The following GGA1 variants were observed in gnomAD, a reference collection of about 807,000 sequenced individuals.
GGA1 encodes golgi associated, gamma adaptin ear containing, ARF binding protein 1, also known as ADP-ribosylation factor-binding protein GGA1.
Under a neutral mutation model 76.9 loss-of-function variants are expected in GGA1, and 18 were observed. The ratio of observed to expected loss-of-function variants is 0.23; its 90% CI spans 0.16 to 0.35. GGA1 has a LOEUF of 0.35. Among genes scored for constraint, GGA1 ranks in the 10% least tolerant of loss-of-function variants. GGA1 has a pLI of 1.00. For synonymous variants in GGA1, 342 were observed against 354.7 expected (o/e 0.96, Z 0.40); for missense variants, 755 against 859.0 (o/e 0.88, Z 1.51).
rs1273098456 is a variant in GGA1, at chr22:37,630,166, C to T, written c.1327C>T (p.Arg443Trp). The T allele has an allele frequency of 7.6e-6, 12 of 1,576,988 alleles. No individual in the cohort carries two copies. Among genetic ancestry groups the T allele is most frequent in the East Asian group, 2.3e-5 (1 of 42,634 alleles). The change falls in exon 13 of 17, where the codon CGG becomes TGG. Residue 443 changes from arginine to tryptophan, a missense_variant. Physicochemically the swap from Arg to Trp is moderately radical, Grantham distance 101 (BLOSUM62 -3). Coordinates refer to ENST00000343632, the MANE Select transcript of GGA1 (RefSeq NM_013365.5). Reference protein sequence around the residue: ...QSLPPESQQVRWEKQQPTPRL... With the variant: ...QSLPPESQQVWWEKQQPTPRL... The stretch of plus-strand genomic sequence containing the variant: ...GCTGCCCCCGGAATCCCAGCAAGTG[C>T]GGTGGTGAGGGCCCACCATGGCTGG...
At chr22:37,609,065 A>C in intron 1 of GGA1, 162 bp downstream of exon 1, 2 of 1,487,594 alleles carry the variant, frequency 1.3e-6, no homozygotes, top group Non-Finnish European at 1.8e-6. Flanking sequence ...CCCTGGAGCG[A>C]TGGAGGACCC....
At chr22:37,630,252 G>A in intron 13 of GGA1, 82 bp downstream of exon 13, 1 of 1,049,316 alleles carries the variant, frequency 9.5e-7, no homozygotes, top group African/African-American at 1.7e-5. Context: ...GCTTGTCCAG[G>A]CCCAGCAGGG....
intron 4 of GGA1, among the ~76,000 whole-genome samples, chr22:37,618,960 G>A (rs1416007187): frequency 6.6e-6 from 1 of 152,216 alleles, no homozygotes; most frequent in East Asian, 1.9e-4. Flanking sequence ...CAACCTCCCT[G>A]GACCTCAGCA....
chr22:37,623,622 A>AG lies in GGA1; in HGVS notation c.821_822insG (p.Asp274GlufsTer2), dbSNP rs1354628162. ...CTGGCGAGTGACACAGAGGACAATG[A>AG]TGAGGCCTTAGGTGAGCCCAGGGCA... On this transcript the variant is annotated frameshift_variant, in exon 9 of 17. Transcript: ENST00000343632. LOFTEE classifies it high-confidence loss of function. This position sits in a 1 kb window ranked among gnomAD's most constrained non-coding sequence, Gnocchi z 4.6. 6.3e-7 allele frequency: 1 copy of AG among 1,582,300 alleles called. No homozygotes were observed. The highest frequency in any genetic ancestry group is 1.9e-5 in the Admixed American group (1 of 53,864).
rs1930196567 is a variant in GGA1 at position 37,623,212 on chromosome 22, C to T, written c.610-115C>T. The stretch of plus-strand genomic sequence containing the variant: ...GCTGGAGCCCCACCCAGAGTGTGAT[C>T]CCACAGTCACCCAGCTGTCAACCCA... On this transcript the variant is annotated intron_variant, in intron 7 of 16. Transcript: ENST00000343632. The surrounding 1 kb of genome is among the most constrained non-coding windows in gnomAD (Gnocchi z 4.6). 9.8e-7 allele frequency: 1 copy of T among 1,022,408 alleles called. No individual in the cohort carries two copies. Among genetic ancestry groups the T allele is most frequent in the Admixed American group, 1.8e-5 (1 of 56,552 alleles). 63.3% of individuals were successfully genotyped at this position (1,022,408 alleles called of 1,614,324 possible). A position where few individuals can be genotyped will look rare whatever the true frequency, so the allele number is the denominator to read the frequency against.
chr22:37,611,051 AG>A (rs1927461531), intron 1 of GGA1, among the ~76,000 whole-genome samples: 1 of 152,160 alleles, frequency 6.6e-6, no homozygotes, highest in Admixed American at 6.5e-5. Flanking sequence ...TTCCTGTTTT[AG>A]GGTCTTCTGG....
chr22:37,630,740 G>A (rs2071770), intron 13 of GGA1, 163 bp from the exon 14 acceptor site: 34,389 of 588,432 alleles, frequency 0.058, 3,263 homozygotes, highest in African/African-American at 0.29. Context: ...CTAGTTTTTT[G>A]TATTTTTTAT....
intron 1 of GGA1, chr22:37,609,434 T>C (rs13055987): frequency 0.043 from 26,010 of 603,228 alleles, 2,348 homozygotes; most frequent in African/African-American, 0.28. Context: ...CCGCCGCTCC[T>C]AGTCTCTAGC....
At chr22:37,626,900 G>C (rs937858318) in intron 11 of GGA1, 5 of 152,314 alleles carry the variant, frequency 3.3e-5, no homozygotes, top group African/African-American at 4.8e-5. Context: ...GGTGGCTCAC[G>C]CCTGGAATCC....
chr22:37,623,368 C>T lies in GGA1; in HGVS notation c.651C>T (p.Ala217=), dbSNP rs1411363528. ...RMEKISKRVN[A]IEEVNNNVKL... ...AGAAGATCTCGAAGAGGGTGAATGC[C>T]ATCGAGGAGGTGAACAACAATGTGA... Residue 217 remains alanine (A), a synonymous_variant, in exon 8 of 17, where the codon GCC becomes GCT. Transcript: ENST00000343632. The surrounding 1 kb of genome is among the most constrained non-coding windows in gnomAD (Gnocchi z 4.6). 2 of 1,613,764 alleles carry T rather than the reference C, an allele frequency of 1.2e-6. No individual in the cohort carries two copies. The highest frequency in any genetic ancestry group is 1.3e-5 in the African/African-American group (1 of 74,922).
intron 2 of GGA1, among the ~76,000 whole-genome samples, chr22:37,616,397 A>T (rs556555839): frequency 2.6e-5 from 4 of 152,192 alleles, no homozygotes; most frequent in Non-Finnish European, 5.9e-5. Context: ...GCCTCCTCAC[A>T]CATGACCAGT....
intron 11 of GGA1, among the ~76,000 whole-genome samples, chr22:37,628,685 C>T (rs1012532806): frequency 1.3e-5 from 2 of 152,226 alleles, no homozygotes; most frequent in Non-Finnish European, 2.9e-5. Context: ...AAGGGACCCA[C>T]TGTCACAGCT....
chr22:37,609,354 C>T (rs1927036865), intron 1 of GGA1: 3 of 1,097,246 alleles, frequency 2.7e-6, no homozygotes, highest in Admixed American at 5.9e-5. Context: ...GTTCCTGGAG[C>T]CCGCAAGTAG....
In GGA1 at chr22:37,620,255, A is replaced by G. The variant is rs374437536; in HGVS notation, c.321A>G (p.Thr107=). The G allele has an allele frequency of 1.5e-5, 25 of 1,613,892 alleles. No individual in the cohort carries two copies. Among genetic ancestry groups the G allele is most frequent in the East Asian group, 4.5e-5 (2 of 44,898 alleles). The change falls in exon 5 of 17, where the codon ACA becomes ACG. Residue 107 remains threonine, a synonymous_variant. Transcript: ENST00000343632. ...CCCTGAAGTATCTGGGCTCTCGGAC[A>G]TCGGAGAAGGTGAAGAACAAGATCT... The part of the protein sequence containing the change: ...VVSPKYLGSR[T]SEKVKNKILE...
At chr22:37,630,206 C>T in intron 13 of GGA1, 36 bp downstream of exon 13, 2 of 1,482,378 alleles carry the variant, frequency 1.3e-6, no homozygotes, top group Non-Finnish European at 1.8e-6. Flanking sequence ...GGGTGGGGAG[C>T]ACTCCCTGTT....
chr22:37,628,889 A>G (rs1359723867), intron 11 of GGA1, among the ~76,000 whole-genome samples: 1 of 152,210 alleles, frequency 6.6e-6, no homozygotes, highest in Non-Finnish European at 1.5e-5. Flanking sequence ...AGCTAGTTCT[A>G]GGGCCATCCA....
At chr22:37,626,811 G>A (rs1322490112) in intron 11 of GGA1, 7 of 152,240 alleles carry the variant, frequency 4.6e-5, no homozygotes, top group Non-Finnish European at 1.0e-4. Flanking sequence ...CCTGTCTTAG[G>A]TGACCCTCAC....
In GGA1 at chr22:37,632,031, G is replaced by A. The variant is rs375756142; in HGVS notation, c.1564G>A (p.Gly522Ser). The A allele has an allele frequency of 9.9e-6, 16 of 1,613,022 alleles. No individual in the cohort carries two copies. The highest frequency in any genetic ancestry group is 4.5e-5 in the East Asian group (2 of 44,894). ...GCCCGTGACTGTGTATGACCAGCAC[G>A]GCTTCCGCATCCTCTTCCATTTTGC... ...ILPVTVYDQH[G>S]FRILFHFARD... Residue 522 changes from glycine (G) to serine (S), a missense_variant, in exon 15 of 17, where the codon GGC (glycine) becomes AGC (serine). Gly to Ser is a moderately conservative substitution (Grantham distance 56, BLOSUM62 0). Transcript: ENST00000343632. This position sits in a 1 kb window ranked among gnomAD's most constrained non-coding sequence, Gnocchi z 5.1.
rs116434194 is a variant in GGA1 at position 37,617,256 on chromosome 22, C to T, written c.204+259C>T. The T allele has an allele frequency of 1.1e-4, 144 of 1,358,554 alleles. No homozygotes were observed. The African/African-American group carries it at 2.1e-3, about 20-fold the overall frequency. The allele number at this position is 1,358,554 out of a possible 1,614,324, so 84.2% of individuals were successfully genotyped here. Reference sequence around the variant, plus strand: ...CATCTGGTCCAGGGGTTCTTTGCTTCAGCTGCACATCGGCTGCCTCTCCAG... The same window carrying T: ...CATCTGGTCCAGGGGTTCTTTGCTTTAGCTGCACATCGGCTGCCTCTCCAG... On this transcript the variant is annotated intron_variant, in intron 3 of 16. Coordinates refer to ENST00000343632, the MANE Select transcript of GGA1 (RefSeq NM_013365.5).
Sources: allele counts gnomAD v4.1 joint callset (sites outside exome capture counted in the v4.1 genomes callset), GRCh38; gene constraint gnomAD v4.1.1; non-coding constraint Gnocchi (gnomAD v3.1); transcripts MANE v1.5; gene names NCBI Gene and HGNC (gene_info 2026-07-23, HGNC 2026-07-21).